Variants in RASGRP3 observed in about 807,000 individuals in gnomAD.
RASGRP3 encodes RAS guanyl releasing protein 3.
RASGRP3 carries 54 observed loss-of-function variants against 82.7 expected under a neutral mutation model. That is an observed-to-expected ratio of 0.65 (90% CI 0.52 to 0.82). The LOEUF is 0.82. Among genes scored for constraint, RASGRP3 ranks in the 40% least tolerant of loss-of-function variants. The pLI is 0.00. For synonymous variants in RASGRP3, 309 were observed against 300.5 expected (o/e 1.03, Z -0.29); for missense variants, 861 against 828.9 (o/e 1.04, Z -0.48).
chr2:33,515,358 C>T (rs1574394938), intron 3 of RASGRP3, among the ~76,000 whole-genome samples, 152 bp downstream of exon 3: 1 of 152,150 alleles, frequency 6.6e-6, no homozygotes, highest in Non-Finnish European at 1.5e-5. Context: ...TCTCCAGTTT[C>T]ACTGCCCTCC....
At chr2:33,556,459 G>GGAT (rs1403191905) in intron 15 of RASGRP3, among the ~76,000 whole-genome samples, 3 of 89,866 alleles carry the variant, frequency 3.3e-5, no homozygotes, top group Admixed American at 1.1e-4. Flanking sequence ...TTGTTAGCCA[G>GGAT]GATGGTCTCG....
At chr2:33,500,788 G>A (rs185760092) in intron 1 of RASGRP3, among the ~76,000 whole-genome samples, 108 of 152,236 alleles carry the variant, frequency 7.1e-4, no homozygotes, top group Admixed American at 3.9e-3. Flanking sequence ...ACAAAAAGTA[G>A]CCGGACATGG....
chr2:33,558,911 G>A lies in RASGRP3; in HGVS notation c.1945G>A (p.Gly649Ser). 6.2e-7 allele frequency: 1 copy of A among 1,614,036 alleles called. No homozygotes were observed. The highest frequency in any genetic ancestry group is 1.6e-4 in the Middle Eastern group (1 of 6,062). ...CCATGACAAAGCAGCAAAGGACAAAGGCTTTGCCAAATGGGAAAATGAGAA... is the reference window on the plus strand; with the variant it reads ...CCATGACAAAGCAGCAAAGGACAAAAGCTTTGCCAAATGGGAAAATGAGAA... ...KFHDKAAKDK[G>S]FAKWENEKPR... The change falls in exon 17 of 18, where the codon GGC becomes AGC. Residue 649 changes from glycine to serine, a missense_variant. Gly to Ser is a moderately conservative substitution (Grantham distance 56). Transcript: ENST00000403687.
At chr2:33,475,287 T>C (rs539633438), upstream of RASGRP3, among the ~76,000 whole-genome samples, 3 of 152,380 alleles carry the variant, frequency 2.0e-5, no homozygotes, top group South Asian at 4.1e-4. Context: ...ATTACTGCCC[T>C]GATAGTATGG....
intron 1 of RASGRP3, among the ~76,000 whole-genome samples, chr2:33,498,538 A>T (rs1488788580): frequency 6.6e-6 from 1 of 152,230 alleles, no homozygotes; most frequent in Non-Finnish European, 1.5e-5. Flanking sequence ...AGAACATGAT[A>T]GTCCCTCTCT....
In RASGRP3 at chr2:33,515,130, A is replaced by C. The variant is rs1369253611; in HGVS notation, c.-7A>C. The C allele has an allele frequency of 1.5e-5, 25 of 1,613,844 alleles. No individual in the cohort carries two copies. Among genetic ancestry groups the C allele is most frequent in the East Asian group, 4.5e-5 (2 of 44,884 alleles). The stretch of plus-strand genomic sequence containing the variant: ...GTCTCTAGTTTTTTGACAACGGCTA[A>C]ATAACCATGGGATCAAGTGGCCTTG... On this transcript the variant is annotated 5_prime_UTR_variant, in exon 3 of 18. Transcript: ENST00000403687.
chr2:33,437,822 G>A (rs938795968), intron 1 of RASGRP3, among the ~76,000 whole-genome samples: 2 of 151,482 alleles, frequency 1.3e-5, no homozygotes, highest in Non-Finnish European at 2.9e-5. Flanking sequence ...CTGAACTTAA[G>A]TGGTTAAAAA....
intron 2 of RASGRP3, among the ~76,000 whole-genome samples, chr2:33,468,061 ATTTG>A (rs1666828999): frequency 2.2e-5 from 2 of 89,332 alleles, no homozygotes; most frequent in South Asian, 6.8e-4. Flanking sequence ...AGTGTACATG[ATTTG>A]TTTTTTTCTC....
chr2:33,533,121 T>A (rs1006052514), intron 10 of RASGRP3: 2 of 152,194 alleles, frequency 1.3e-5, no homozygotes, highest in Non-Finnish European at 2.9e-5. Context: ...AGGGAAGTGA[T>A]GTGATTCATT....
intron 9 of RASGRP3, 137 bp from the exon 10 acceptor site, chr2:33,527,000 A>T: frequency 2.2e-6 from 2 of 907,852 alleles, no homozygotes; most frequent in Non-Finnish European, 3.3e-6. Flanking sequence ...TTCCTGATTC[A>T]TATTTCCCTG....
At chr2:33,507,053 A>T (rs1221073781) in intron 1 of RASGRP3, among the ~76,000 whole-genome samples, 7 of 152,234 alleles carry the variant, frequency 4.6e-5, no homozygotes, top group African/African-American at 1.7e-4. Flanking sequence ...GAGAAGGAAA[A>T]TTTAAACAGA....
chr2:33,471,735 A>T (rs1184124663), upstream of RASGRP3, among the ~76,000 whole-genome samples: 2 of 152,038 alleles, frequency 1.3e-5, no homozygotes, highest in African/African-American at 4.8e-5. Flanking sequence ...ACATTTTTCC[A>T]TGGTTACTGA....
chr2:33,449,466 T>C (rs1574226766), intron 2 of RASGRP3, among the ~76,000 whole-genome samples: 1 of 152,160 alleles, frequency 6.6e-6, no homozygotes, highest in African/African-American at 2.4e-5. Flanking sequence ...CATTGGAATA[T>C]TTAATAATAT....
At chr2:33,537,330 C>CCAACACA (rs1553359127) in intron 11 of RASGRP3, among the ~76,000 whole-genome samples, 1,128 of 95,654 alleles carry the variant, frequency 0.012, 81 homozygotes, top group African/African-American at 0.047. Context: ...ACCGCCCCCC[C>CCAACACA]CACACACACA....
At chr2:33,507,718 G>T (rs573499995) in intron 1 of RASGRP3, among the ~76,000 whole-genome samples, 1 of 152,006 alleles carries the variant, frequency 6.6e-6, no homozygotes, top group Non-Finnish European at 1.5e-5. Flanking sequence ...TAGAGATGGG[G>T]TTTCACCATG....
chr2:33,522,190 G>A (rs934070454), intron 7 of RASGRP3, 88 bp downstream of exon 7: 35 of 1,433,280 alleles, frequency 2.4e-5, no homozygotes, highest in Admixed American at 4.3e-5. Context: ...TGAAGTGTTG[G>A]CAGCTTCTAT....
chr2:33,501,403 G>A (rs181233585), intron 1 of RASGRP3, among the ~76,000 whole-genome samples: 2 of 152,204 alleles, frequency 1.3e-5, no homozygotes, highest in Admixed American at 6.5e-5. Context: ...ATTCTCTTGG[G>A]TATGTACCTA....
chr2:33,547,683 C>G (rs945955922), intron 13 of RASGRP3, among the ~76,000 whole-genome samples: 8 of 152,110 alleles, frequency 5.3e-5, no homozygotes, highest in African/African-American at 1.7e-4. Context: ...CCACTGTAAG[C>G]TGGAGTCTCG....
At chr2:33,508,590 T>G (rs946526544) in intron 1 of RASGRP3, among the ~76,000 whole-genome samples, 1 of 152,124 alleles carries the variant, frequency 6.6e-6, no homozygotes, top group African/African-American at 2.4e-5. Context: ...TCTGGCAACT[T>G]CCATTTACTC....
Sources: allele counts gnomAD v4.1 joint callset (sites outside exome capture counted in the v4.1 genomes callset), GRCh38; gene constraint gnomAD v4.1.1; transcripts MANE v1.5; gene names NCBI Gene and HGNC (gene_info 2026-07-23, HGNC 2026-07-21).